Variants in SLIT3 observed in about 807,000 individuals in gnomAD.
SLIT3 encodes the protein slit guidance ligand 3, also known as slit homolog 3 protein.
SLIT3 carries 68 observed loss-of-function variants against 184.0 expected under a neutral mutation model. The ratio of observed to expected loss-of-function variants is 0.37; its 90% confidence interval spans 0.30 to 0.45. The LOEUF (loss-of-function observed/expected upper bound fraction) is 0.45. Among genes scored for constraint, SLIT3 ranks in the 20% least tolerant of loss-of-function variants. The probability of loss-of-function intolerance (pLI) is 1.00; values close to 1 mark genes in which losing one functional copy is unlikely to be tolerated. For synonymous variants in SLIT3, 831 were observed against 828.6 expected (o/e 1.00, Z -0.05); for missense variants, 1,707 against 2,026.0 (o/e 0.84, Z 3.02).
intron 4 of SLIT3, among the ~76,000 whole-genome samples, chr5:168,934,247 C>A (rs1762083051): frequency 1.3e-5 from 2 of 152,230 alleles, no homozygotes; most frequent in Non-Finnish European, 2.9e-5. Context: ...CTATGGGAAG[C>A]ATCTTCCTGA....
intron 3 of SLIT3, among the ~76,000 whole-genome samples, chr5:169,232,928 T>A (rs901694428): frequency 2.0e-5 from 3 of 152,238 alleles, no homozygotes; most frequent in Non-Finnish European, 4.4e-5. Context: ...ACTCCATATA[T>A]TTGACTCATC....
intron 6 of SLIT3, among the ~76,000 whole-genome samples, chr5:168,831,305 G>A (rs1248773024): frequency 1.3e-5 from 2 of 151,996 alleles, no homozygotes; most frequent in African/African-American, 2.4e-5. Flanking sequence ...AGAGATTGGT[G>A]GGGGTGGGGG....
intron 27 of SLIT3, among the ~76,000 whole-genome samples, chr5:168,696,727 C>A (rs1582541187): frequency 6.6e-6 from 1 of 152,182 alleles, no homozygotes; most frequent in Admixed American, 6.5e-5. Context: ...TCATCATTCC[C>A]CCAGCTGGAA....
chr5:168,867,374 CAG>C (rs1254864263), intron 5 of SLIT3, among the ~76,000 whole-genome samples: 1 of 152,178 alleles, frequency 6.6e-6, no homozygotes, highest in African/African-American at 2.4e-5. Context: ...GTGCTGGTGA[CAG>C]AGAGGCACAT....
chr5:168,694,385 G>A (rs1761993108), intron 28 of SLIT3, among the ~76,000 whole-genome samples: 1 of 152,176 alleles, frequency 6.6e-6, no homozygotes, highest in African/African-American at 2.4e-5. Flanking sequence ...TCTTTTCATG[G>A]ACCAGAAGCC....
intron 4 of SLIT3, among the ~76,000 whole-genome samples, chr5:169,068,474 G>A (rs1758433282): frequency 6.6e-6 from 1 of 152,170 alleles, no homozygotes; most frequent in African/African-American, 2.4e-5. Context: ...GGCCAAGTCA[G>A]AACACCATGT....
intron 4 of SLIT3, among the ~76,000 whole-genome samples, chr5:169,094,601 G>A (rs928302852): frequency 2.0e-5 from 3 of 152,212 alleles, no homozygotes; most frequent in Non-Finnish European, 2.9e-5. Flanking sequence ...CTGCACTCCA[G>A]CAGGGGCAAC....
At chr5:169,097,045 G>C (rs1446470035) in intron 4 of SLIT3, among the ~76,000 whole-genome samples, 1 of 152,184 alleles carries the variant, frequency 6.6e-6, no homozygotes, top group Non-Finnish European at 1.5e-5. Flanking sequence ...ATTTCCCCAG[G>C]AATATGCATA....
intron 4 of SLIT3, among the ~76,000 whole-genome samples, chr5:169,060,513 G>A (rs751981072): frequency 6.6e-6 from 1 of 152,218 alleles, no homozygotes; most frequent in Non-Finnish European, 1.5e-5. Flanking sequence ...CAGGTAACCT[G>A]CACAGCACTG....
At chr5:168,874,628 T>C (rs1037562294) in intron 5 of SLIT3, among the ~76,000 whole-genome samples, 1 of 152,222 alleles carries the variant, frequency 6.6e-6, no homozygotes, top group African/African-American at 2.4e-5. Context: ...CTGTGTCATC[T>C]TGGCCTAGAA....
chr5:169,207,045 C>CCTT (rs1554107121), intron 3 of SLIT3, among the ~76,000 whole-genome samples: 1 of 140,842 alleles, frequency 7.1e-6, no homozygotes, highest in African/African-American at 2.6e-5. Flanking sequence ...TTTCCTTATT[C>CCTT]TTTTTTTTTT....
chr5:169,038,023 C>T (rs369826269), intron 4 of SLIT3: 2 of 152,278 alleles, frequency 1.3e-5, no homozygotes, highest in African/African-American at 4.8e-5. Flanking sequence ...TAGTAAGCTT[C>T]TCAAATGATA....
At chr5:168,710,645 A>G (rs555797586) in intron 25 of SLIT3, among the ~76,000 whole-genome samples, 1 of 152,264 alleles carries the variant, frequency 6.6e-6, no homozygotes, top group South Asian at 2.1e-4. Flanking sequence ...ATGGAAAGAC[A>G]TGTACAGAAA....
intron 5 of SLIT3, among the ~76,000 whole-genome samples, chr5:168,877,198 T>C (rs1267845570): frequency 3.3e-5 from 5 of 152,060 alleles, no homozygotes; most frequent in African/African-American, 1.2e-4. Context: ...GGGTGATAAG[T>C]GCTCTGAAGA....
At chr5:168,748,151 G>C in intron 20 of SLIT3, 151 bp downstream of exon 20, 1 of 850,766 alleles carries the variant, frequency 1.2e-6, no homozygotes, top group Non-Finnish European at 1.7e-6. Flanking sequence ...CTTGGTGAGG[G>C]CTCCACTGCC....
At chr5:169,205,196 G>A (rs991373248) in intron 3 of SLIT3, among the ~76,000 whole-genome samples, 1 of 152,188 alleles carries the variant, frequency 6.6e-6, no homozygotes, top group Non-Finnish European at 1.5e-5. Flanking sequence ...AGAACTCTTG[G>A]ACAGGGCATG....
At chr5:169,202,052 T>C (rs1321029609) in intron 3 of SLIT3, among the ~76,000 whole-genome samples, 2 of 151,994 alleles carry the variant, frequency 1.3e-5, no homozygotes, top group East Asian at 3.9e-4. Flanking sequence ...GGAAATATAG[T>C]GAAACCTCAT....
intron 20 of SLIT3, among the ~76,000 whole-genome samples, chr5:168,730,454 C>T (rs1292338977): frequency 6.6e-6 from 1 of 151,998 alleles, no homozygotes; most frequent in Non-Finnish European, 1.5e-5. Context: ...GGAACATTCT[C>T]CAAGATAGAC....
chr5:168,756,231 G>A (rs1267964095), intron 16 of SLIT3, among the ~76,000 whole-genome samples: 1 of 152,248 alleles, frequency 6.6e-6, no homozygotes, highest in African/African-American at 2.4e-5. Flanking sequence ...AGGGGATCTA[G>A]GACCATACCA....
Sources: allele counts gnomAD v4.1 joint callset (sites outside exome capture counted in the v4.1 genomes callset), GRCh38; gene constraint gnomAD v4.1.1; transcripts MANE v1.5; gene names NCBI Gene and HGNC (gene_info 2026-07-23, HGNC 2026-07-21).